HOOK2: variants seen among roughly 807,000 people sequenced by gnomAD.
The protein encoded by HOOK2 is protein Hook homolog 2.
A neutral mutation model predicts 111.9 loss-of-function variants in HOOK2; 108 were observed. The ratio of observed to expected loss-of-function variants is 0.96; its 90% CI spans 0.83 to 1.13. The LOEUF (loss-of-function observed/expected upper bound fraction) is 1.13, where lower values mean the gene tolerates loss of function less well. Among genes scored for constraint, HOOK2 ranks in the 50% most tolerant of loss-of-function variants. The probability of loss-of-function intolerance (pLI) is 0.00; values close to 1 mark genes in which losing one functional copy is unlikely to be tolerated. For missense variants in HOOK2, 978 were observed against 951.3 expected (o/e 1.03, Z -0.37); for synonymous variants, 405 against 394.3 (o/e 1.03, Z -0.32).
upstream of HOOK2, among the ~76,000 whole-genome samples, chr19:12,781,621 C>T (rs967650597): frequency 1.2e-4 from 19 of 152,284 alleles, no homozygotes; most frequent in African/African-American, 3.8e-4. Flanking sequence ...CCATCGCGCC[C>T]GGCCGTCCAC....
chr19:12,767,187 G>A (rs1289798298), intron 14 of HOOK2, among the ~76,000 whole-genome samples: 1 of 152,184 alleles, frequency 6.6e-6, no homozygotes, highest in African/African-American at 2.4e-5. Flanking sequence ...CATAATTTGT[G>A]TACTAAGGAT....
rs368995729 is a variant in HOOK2, at chr19:12,763,685, G to A, written c.1921C>T (p.Arg641Cys). The A allele has an allele frequency of 6.1e-5, 99 of 1,614,072 alleles. 2 individuals are homozygous for A. In the South Asian group the frequency reaches 6.3e-4, roughly 10 times the overall value. Residue 641 changes from arginine to cysteine, a missense_variant, in exon 21 of 23, where the codon CGC (arginine) becomes TGC (cysteine). Arg to Cys is a radical substitution (Grantham distance 180, BLOSUM62 -3). Transcript: ENST00000397668. Reference sequence around the variant, plus strand: ...ACACCCACCTCCAGGTGTCGGATGCGGACATCCCGTTCTCGGAGCTGTGTC... The same window carrying A: ...ACACCCACCTCCAGGTGTCGGATGCAGACATCCCGTTCTCGGAGCTGTGTC... ...LRTQLRERDV[R>C]IRHLEMDFEK...
Position 12,770,930 on chromosome 19 carries a change from A to C in HOOK2, c.902+2T>G. 6.3e-7 allele frequency: 1 copy of C among 1,594,160 alleles called. No individual in the cohort carries two copies. The highest frequency in any genetic ancestry group is 8.6e-7 in the Non-Finnish European group (1 of 1,165,570). ...ATGGGGACCCAGGAACCCACCACTC[A>C]CCGTAGTTCATCCATCTCATCCTTC... On this transcript the variant is annotated splice_donor_variant, in intron 10 of 22. Transcript: ENST00000397668. LOFTEE classifies it high-confidence loss of function.
intron 6 of HOOK2, 116 bp downstream of exon 6, chr19:12,772,497 G>A (rs1968366888): frequency 4.2e-6 from 5 of 1,192,520 alleles, no homozygotes; most frequent in African/African-American, 1.5e-5. Context: ...CTGGCCAGCT[G>A]AGTTCCAGGC....
upstream of HOOK2, chr19:12,775,598 C>T: frequency 4.5e-6 from 3 of 671,034 alleles, no homozygotes; most frequent in Non-Finnish European, 6.4e-6. Context: ...CCCCGCCCCG[C>T]CCCCAAGCCC....
chr19:12,775,104 G>A (rs560582480), intron 1 of HOOK2: 1 of 860,832 alleles, frequency 1.2e-6, no homozygotes, highest in South Asian at 5.3e-5. Flanking sequence ...AACCCTGCGC[G>A]TCCAGGCCAG....
upstream of HOOK2, among the ~76,000 whole-genome samples, chr19:12,782,887 C>A (rs185009591): frequency 8.7e-3 from 1,018 of 116,970 alleles, 31 homozygotes; most frequent in East Asian, 0.068. Flanking sequence ...GAGCTGAGAC[C>A]CCCCCCCCAG....
intron 7 of HOOK2, chr19:12,771,888 AAAAAAAAAAAAG>A (rs901748293): frequency 2.7e-6 from 1 of 371,236 alleles, no homozygotes; most frequent in East Asian, 5.0e-5. Context: ...TCTCAAAAAA[AAAAAAAAAAAAG>A]AAAAAGAAAA....
chr19:12,792,173 C>T, intron 3 of HOOK2: 2 of 1,589,520 alleles, frequency 1.3e-6, no homozygotes, highest in Non-Finnish European at 1.7e-6. Context: ...AGCAGGAGGG[C>T]TTCGCCGACG....
At chr19:12,769,139 G>A (rs1968241239) in intron 11 of HOOK2, among the ~76,000 whole-genome samples, 2 of 151,764 alleles carry the variant, frequency 1.3e-5, no homozygotes, top group South Asian at 4.2e-4. Flanking sequence ...CTAATTTTTT[G>A]TATTTTTAGT....
chr19:12,785,146 G>GCA (rs1330468390), intron 3 of HOOK2: 5 of 152,596 alleles, frequency 3.3e-5, no homozygotes, highest in Admixed American at 6.6e-5. Context: ...AAACCTGTTT[G>GCA]CACACACACA....
intron 20 of HOOK2, 101 bp downstream of exon 20, chr19:12,764,713 G>A (rs1968097312): frequency 3.3e-6 from 3 of 922,998 alleles, no homozygotes; most frequent in African/African-American, 3.3e-5. Context: ...ACAGGTATGA[G>A]TTGGGGGCAC....
chr19:12,777,976 C>T (rs1968558802), upstream of HOOK2, among the ~76,000 whole-genome samples: 1 of 152,216 alleles, frequency 6.6e-6, no homozygotes, highest in Non-Finnish European at 1.5e-5. Flanking sequence ...GTTTTAATTC[C>T]CTGCTTTGCC....
chr19:12,763,087 C>G lies in HOOK2; in HGVS notation c.*195G>C, dbSNP rs1968042689. 3.4e-6 allele frequency: 2 copies of G among 594,780 alleles called. No individual in the cohort carries two copies. Among genetic ancestry groups the G allele is most frequent in the Admixed American group, 6.5e-5 (2 of 30,720 alleles). The allele number at this position is 594,780 out of a possible 1,614,324, so 36.8% of individuals were successfully genotyped here. ...TGAACTCCAGAGAGAGAATCAACAA[C>G]AAGAATCACATTGCTAAAAAGAACA... On this transcript the variant is annotated 3_prime_UTR_variant, in exon 23 of 23. Transcript: ENST00000397668.
chr19:12,769,787 A>C, intron 11 of HOOK2, 94 bp downstream of exon 11: 1 of 1,037,200 alleles, frequency 9.6e-7, no homozygotes, highest in Non-Finnish European at 1.3e-6. Context: ...CGTACAAATA[A>C]GGGAGGGGAT....
At chr19:12,764,076 GC>G (rs1968076973) in intron 20 of HOOK2, among the ~76,000 whole-genome samples, 1 of 152,052 alleles carries the variant, frequency 6.6e-6, no homozygotes, top group East Asian at 1.9e-4. Context: ...GTGAAGTGGC[GC>G]ACTCTCAGCT....
intron 2 of HOOK2, 30 bp downstream of exon 2, chr19:12,774,782 T>G: frequency 6.2e-7 from 1 of 1,613,046 alleles, no homozygotes; most frequent in Non-Finnish European, 8.5e-7. Context: ...GGGGGACACT[T>G]TTGGGATCCT....
intron 6 of HOOK2, 84 bp downstream of exon 6, chr19:12,772,529 C>T: frequency 6.9e-7 from 1 of 1,458,486 alleles, no homozygotes; most frequent in Non-Finnish European, 9.5e-7. Flanking sequence ...CTTACCAGGG[C>T]AGGACCTGTG....
chr19:12,775,837 C>CGCA, upstream of HOOK2, among the ~76,000 whole-genome samples: 1 of 151,104 alleles, frequency 6.6e-6, no homozygotes, highest in East Asian at 1.9e-4. Flanking sequence ...GTTACACAAG[C>CGCA]GCATTCACGT....
Sources: gnomAD v4.1 joint callset for allele counts (sites outside exome capture counted in the v4.1 genomes callset) on GRCh38, gnomAD v4.1.1 for gene constraint, MANE v1.5 for transcripts, NCBI Gene and HGNC (gene_info 2026-07-23, HGNC 2026-07-21) for gene names.